The following SYCP1 variants were observed in gnomAD, a reference collection of about 807,000 sequenced individuals.
SYCP1 encodes the protein cancer/testis antigen 8.
Under a neutral mutation model 153.1 loss-of-function variants are expected in SYCP1, and 64 were observed. That is an observed-to-expected ratio of 0.42 (90% CI 0.34 to 0.51). The LOEUF is 0.51. Ranked by LOEUF, SYCP1 falls within the 20% of genes least tolerant of loss-of-function variation. SYCP1 has a pLI of 0.06. For missense variants in SYCP1, 997 were observed against 1,049.0 expected (o/e 0.95, Z 0.68); for synonymous variants, 384 against 341.8 (o/e 1.12, Z -1.36).
At chr1:114,945,270 C>A (rs2101822956) in intron 25 of SYCP1, among the ~76,000 whole-genome samples, 1 of 152,010 alleles carries the variant, frequency 6.6e-6, no homozygotes, top group African/African-American at 2.4e-5. Context: ...TCTTATAGCA[C>A]TTTCTACCTT....
chr1:114,974,973 C>G (rs190918357), intron 27 of SYCP1, among the ~76,000 whole-genome samples: 2 of 151,898 alleles, frequency 1.3e-5, no homozygotes, highest in African/African-American at 4.8e-5. Flanking sequence ...CTAATTTCTC[C>G]ACATCCACAT....
chr1:114,884,405 A>G (rs1185205766), intron 12 of SYCP1, among the ~76,000 whole-genome samples: 1 of 152,004 alleles, frequency 6.6e-6, no homozygotes, highest in East Asian at 1.9e-4. Context: ...AAATGTTTCA[A>G]CTCAGCTGCT....
At chr1:114,947,436 A>G in intron 27 of SYCP1, 116 bp downstream of exon 27, 4 of 714,156 alleles carry the variant, frequency 5.6e-6, no homozygotes, top group Non-Finnish European at 9.0e-6. Context: ...GGGATGAGAA[A>G]ATAATTTTCC....
chr1:114,939,100 A>G (rs1670225637), intron 23 of SYCP1, among the ~76,000 whole-genome samples: 1 of 152,198 alleles, frequency 6.6e-6, no homozygotes, highest in African/African-American at 2.4e-5. Context: ...AAAGAGATAT[A>G]TGTTCACCTA....
intron 8 of SYCP1, among the ~76,000 whole-genome samples, chr1:114,870,845 A>G (rs371196228): frequency 3.9e-4 from 60 of 152,242 alleles, no homozygotes; most frequent in African/African-American, 1.4e-3. Flanking sequence ...CATTTAGACT[A>G]TTGTCATTCA....
chr1:114,934,592 C>T (rs2101776112), intron 23 of SYCP1, among the ~76,000 whole-genome samples: 1 of 152,216 alleles, frequency 6.6e-6, no homozygotes, highest in Non-Finnish European at 1.5e-5. Context: ...GCTAAATACT[C>T]CAATTAAAAG....
At chr1:114,930,857 A>G (rs962111062) in intron 23 of SYCP1, among the ~76,000 whole-genome samples, 3 of 151,768 alleles carry the variant, frequency 2.0e-5, no homozygotes, top group African/African-American at 7.2e-5. Context: ...TATAAATATA[A>G]AATTATTAAT....
intron 27 of SYCP1, among the ~76,000 whole-genome samples, chr1:114,960,168 T>G (rs1354086339): frequency 1.4e-5 from 2 of 143,118 alleles, no homozygotes; most frequent in African/African-American, 5.2e-5. Context: ...TGCTTGTTTT[T>G]TTTTTTTTTT....
chr1:114,968,873 C>A (rs975469252), intron 27 of SYCP1, among the ~76,000 whole-genome samples: 2 of 152,118 alleles, frequency 1.3e-5, no homozygotes, highest in African/African-American at 4.8e-5. Flanking sequence ...CGTGGGCATC[C>A]TTTTAGTTGA....
Position 114,885,452 on chromosome 1 carries a change from A to T in SYCP1, c.911-83A>T, listed in dbSNP as rs1028882366. On this transcript the variant is annotated intron_variant, in intron 12 of 31. Coordinates refer to ENST00000369522, the MANE Select transcript of SYCP1 (RefSeq NM_003176.4). ...TGGACTATTATCTAACGGAGGAAAA[A>T]GACTAATTGTCACAAATAATACTTA... is the stretch of plus-strand genomic sequence containing the variant. The T allele has an allele frequency of 3.9e-6, 3 of 775,434 alleles. No homozygotes were observed. In the African/African-American group the frequency reaches 5.5e-5, roughly 14 times the overall value. The allele number at this position is 775,434 out of a possible 1,614,324, so 48.0% of individuals were successfully genotyped here.
intron 20 of SYCP1, among the ~76,000 whole-genome samples, chr1:114,920,744 T>C (rs1264116390): frequency 3.3e-5 from 5 of 152,190 alleles, no homozygotes; most frequent in African/African-American, 1.2e-4. Flanking sequence ...TCTTTGTCTC[T>C]TTTTATAGTT....
At chr1:114,856,118 G>A (rs1373801259) in intron 2 of SYCP1, among the ~76,000 whole-genome samples, 1 of 152,064 alleles carries the variant, frequency 6.6e-6, no homozygotes, top group Non-Finnish European at 1.5e-5. Context: ...TTATCATGTG[G>A]ATCCTTATAT....
intron 23 of SYCP1, among the ~76,000 whole-genome samples, chr1:114,935,710 G>A (rs1217669897): frequency 6.6e-6 from 1 of 152,150 alleles, no homozygotes; most frequent in Non-Finnish European, 1.5e-5. Flanking sequence ...AATAAAAAAT[G>A]ATAAAGGGGA....
chr1:114,908,244 G>A (rs1257748923), intron 16 of SYCP1, among the ~76,000 whole-genome samples: 3 of 150,924 alleles, frequency 2.0e-5, no homozygotes, highest in Non-Finnish European at 2.9e-5. Flanking sequence ...GCACCTTAAA[G>A]ATGATGTCTT....
At position 114,860,737 on chromosome 1, in the gene SYCP1, A is replaced by T. The variant is rs145339669; in HGVS notation, c.526A>T (p.Asn176Tyr). 9.9e-5 allele frequency: 158 copies of T among 1,593,808 alleles called. 1 individual carries two copies. The Middle Eastern group carries it at 1.5e-3, about 15-fold the overall frequency. The stretch of plus-strand genomic sequence containing the variant: ...GGCAAACTCTTTCCTTTGTTTCAGG[A>T]ATAATGCCACAAGGCATTTATGTAA... Reference protein sequence around the residue: ...IQENKDLIKENNATRHLCNLL... With the variant: ...IQENKDLIKEYNATRHLCNLL... Residue 176 changes from asparagine to tyrosine, a missense_variant and splice_region_variant, in exon 8 of 32, where the codon AAT becomes TAT. By Grantham distance (143) the Asn-to-Tyr change is moderately radical. This residue lies in a region of SYCP1 where 285 missense variants were observed against 366.1 expected (regional missense o/e 0.78). Transcript: ENST00000369522.
chr1:114,968,431 C>T (rs898911141), intron 27 of SYCP1, among the ~76,000 whole-genome samples: 1 of 152,162 alleles, frequency 6.6e-6, no homozygotes, highest in East Asian at 1.9e-4. Flanking sequence ...TTAAGTTGAT[C>T]TTCAGTCTCT....
chr1:114,958,993 A>G (rs919275381), intron 27 of SYCP1, among the ~76,000 whole-genome samples: 1 of 151,324 alleles, frequency 6.6e-6, no homozygotes, highest in Non-Finnish European at 1.5e-5. Flanking sequence ...TACTATTTGC[A>G]GATATTTTCT....
At chr1:114,854,202 G>A (rs769692731), upstream of SYCP1, among the ~76,000 whole-genome samples, 1 of 151,942 alleles carries the variant, frequency 6.6e-6, no homozygotes, top group Non-Finnish European at 1.5e-5. Flanking sequence ...GGAGCCAGTG[G>A]CAGGATTATT....
At position 114,910,547 on chromosome 1, in the gene SYCP1, A is replaced by G. The variant is rs765396964; in HGVS notation, c.1425+46A>G. On this transcript the variant is annotated intron_variant, in intron 17 of 31. Transcript: ENST00000369522. ...TTATTTTAAATATTTTGTTAATAGA[A>G]CATAGATTTATGGATTATGGTATAA... 8 of 1,237,506 alleles carry G rather than the reference A, an allele frequency of 6.5e-6. No individual in the cohort carries two copies. The Admixed American group carries it at 1.0e-4, about 16-fold the overall frequency. 76.7% of individuals were successfully genotyped at this position (1,237,506 alleles called of 1,614,324 possible). A position where few individuals can be genotyped will look rare whatever the true frequency, so the allele number is the denominator to read the frequency against.
Sources: gnomAD v4.1 joint callset for allele counts (sites outside exome capture counted in the v4.1 genomes callset) on GRCh38, gnomAD v4.1.1 for gene constraint, gnomAD v4.1.1 regional missense constraint, MANE v1.5 for transcripts, NCBI Gene and HGNC (gene_info 2026-07-23, HGNC 2026-07-21) for gene names.